The following CSMD2 variants were observed in gnomAD, a reference collection of about 807,000 sequenced individuals.
CSMD2 encodes the protein CUB and sushi domain-containing protein 2.
In CSMD2, 130 loss-of-function variants were observed where a neutral mutation model predicts 398.5. The observed-to-expected ratio is 0.33, with a 90% CI of 0.28 to 0.38. The LOEUF (loss-of-function observed/expected upper bound fraction) is 0.38, where lower values mean the gene tolerates loss of function less well. Among genes scored for constraint, CSMD2 ranks in the 10% least tolerant of loss-of-function variants. The pLI is 1.00. For missense variants in CSMD2, 3,829 were observed against 4,764.9 expected (o/e 0.80, Z 5.78); for synonymous variants, 1,828 against 1,908.5 (o/e 0.96, Z 1.10).
At chr1:33,542,580 G>C (rs1656457281) in intron 58 of CSMD2, 140 bp downstream of exon 58, 1 of 679,356 alleles carries the variant, frequency 1.5e-6, no homozygotes, top group Non-Finnish European at 2.4e-6. Context: ...CTCAACAGAG[G>C]CTATTCATAT....
intron 25 of CSMD2, among the ~76,000 whole-genome samples, chr1:33,676,462 A>G (rs1448507047): frequency 6.6e-6 from 1 of 152,206 alleles, no homozygotes; most frequent in African/African-American, 2.4e-5. Flanking sequence ...ATAAAAGAGG[A>G]TACAAAGAAA....
At chr1:34,143,363 C>T (rs1426360116) in intron 1 of CSMD2, among the ~76,000 whole-genome samples, 2 of 152,192 alleles carry the variant, frequency 1.3e-5, no homozygotes, top group Non-Finnish European at 2.9e-5. Context: ...CCCTAGACCT[C>T]CAGGTCTCAG....
intron 29 of CSMD2, among the ~76,000 whole-genome samples, chr1:33,645,645 T>C (rs1173080450): frequency 6.6e-6 from 1 of 152,206 alleles, no homozygotes; most frequent in Admixed American, 6.5e-5. Context: ...CTACTACTAA[T>C]GATACTTGAA....
chr1:34,134,024 G>A (rs990095423), intron 1 of CSMD2, among the ~76,000 whole-genome samples: 2 of 128,996 alleles, frequency 1.6e-5, no homozygotes, highest in Non-Finnish European at 3.1e-5. Flanking sequence ...CTACACTCCA[G>A]CCTGGGTGAC....
chr1:33,652,271 G>A, intron 28 of CSMD2, 52 bp downstream of exon 28: 3 of 1,593,528 alleles, frequency 1.9e-6, no homozygotes, highest in Non-Finnish European at 2.6e-6. Flanking sequence ...AGGTCCCAGA[G>A]CCCCTAGCCA....
At chr1:33,542,509 A>T (rs1656448164) in intron 58 of CSMD2, among the ~76,000 whole-genome samples, 7 of 152,236 alleles carry the variant, frequency 4.6e-5, no homozygotes, top group Admixed American at 4.6e-4. Flanking sequence ...TATGGTGAAG[A>T]TCAAATGAAA....
intron 3 of CSMD2, among the ~76,000 whole-genome samples, chr1:33,957,026 C>T (rs866642580): frequency 4.6e-5 from 7 of 152,020 alleles, no homozygotes; most frequent in Middle Eastern, 3.2e-3. Flanking sequence ...AAGTTCCTAC[C>T]TCAGGGCTCT....
chr1:33,672,069 C>G (rs374375956), intron 25 of CSMD2, among the ~76,000 whole-genome samples: 1 of 152,126 alleles, frequency 6.6e-6, no homozygotes, highest in Non-Finnish European at 1.5e-5. Flanking sequence ...ATGCAGAAGA[C>G]GGGTGATTTC....
At chr1:33,753,671 G>A (rs2149279686) in intron 13 of CSMD2, among the ~76,000 whole-genome samples, 1 of 152,342 alleles carries the variant, frequency 6.6e-6, no homozygotes, top group Middle Eastern at 3.4e-3. Context: ...AAAAGCAACA[G>A]GTGTTCAAGT....
At chr1:33,973,412 C>T (rs2147927398) in intron 3 of CSMD2, among the ~76,000 whole-genome samples, 1 of 152,320 alleles carries the variant, frequency 6.6e-6, no homozygotes, top group East Asian at 1.9e-4. Context: ...AAGCTGGGTT[C>T]CATTATTCAC....
intron 4 of CSMD2, among the ~76,000 whole-genome samples, chr1:33,919,828 T>TATTC (rs57364991): frequency 0.074 from 11,262 of 152,182 alleles, 1,328 homozygotes; most frequent in African/African-American, 0.25. Flanking sequence ...TTCATTCACT[T>TATTC]ATTCATTCAT....
chr1:33,596,880 G>C (rs997678347), intron 44 of CSMD2, among the ~76,000 whole-genome samples: 6 of 152,212 alleles, frequency 3.9e-5, no homozygotes. Context: ...AATTATTCAA[G>C]TGGGGAAGGG....
intron 10 of CSMD2, among the ~76,000 whole-genome samples, chr1:33,802,089 A>G (rs1171908027): frequency 6.6e-6 from 1 of 152,164 alleles, no homozygotes; most frequent in African/African-American, 2.4e-5. Flanking sequence ...AATTTGGGAA[A>G]AATTATTGTA....
intron 3 of CSMD2, among the ~76,000 whole-genome samples, chr1:33,974,405 G>A (rs577440356): frequency 4.9e-4 from 75 of 152,308 alleles, no homozygotes; most frequent in African/African-American, 1.3e-3. Flanking sequence ...GCCAGGCATA[G>A]GGCCAAGCAC....
chr1:33,772,173 G>A (rs996628909), intron 13 of CSMD2: 1 of 163,390 alleles, frequency 6.1e-6, no homozygotes, highest in Non-Finnish European at 1.3e-5. Flanking sequence ...GGCTGGTGGT[G>A]TCTACAGCCT....
At chr1:33,994,778 T>C (rs1646673196) in intron 3 of CSMD2, among the ~76,000 whole-genome samples, 1 of 152,096 alleles carries the variant, frequency 6.6e-6, no homozygotes, top group South Asian at 2.1e-4. Context: ...AGCTAAGCAG[T>C]ATTTCCACCG....
Position 33,739,280 on chromosome 1 carries a change from A to G in CSMD2, c.2228T>C (p.Phe743Ser). ...DPGVPVNGKR[F>S]GDSLQLGSSI... ...GCTGCCCAGCTGGAGGCTGTCCCCA[A>G]ACCGTTTGCCATTTACTGGAACGCC... The change falls in exon 15 of 71, where the codon TTT (phenylalanine) becomes TCT (serine). Residue 743 changes from phenylalanine (F) to serine (S), a missense_variant. Phe to Ser is a radical substitution (Grantham distance 155). Around this residue, in one of 5 missense-constraint regions of CSMD2, gnomAD observed 2,001 missense variants for 2,567.1 expected, o/e 0.78. Coordinates refer to ENST00000373381, the MANE Select transcript of CSMD2 (RefSeq NM_001281956.2). The G allele has an allele frequency of 6.2e-7, 1 of 1,614,096 alleles. No homozygotes were observed. The highest frequency in any genetic ancestry group is 8.5e-7 in the Non-Finnish European group (1 of 1,179,978).
At chr1:33,724,413 C>T in intron 18 of CSMD2, 100 bp from the exon 19 acceptor site, 1 of 1,528,552 alleles carries the variant, frequency 6.5e-7, no homozygotes. Context: ...GAAAGCCCAA[C>T]CTTCGCTGAT....
chr1:34,119,481 G>A (rs771310521), intron 1 of CSMD2, among the ~76,000 whole-genome samples: 8 of 152,120 alleles, frequency 5.3e-5, no homozygotes, highest in Admixed American at 2.0e-4. Context: ...GAATGGAAAG[G>A]CAACCTAAGA....
Sources: allele counts gnomAD v4.1 joint callset (sites outside exome capture counted in the v4.1 genomes callset), GRCh38; gene constraint gnomAD v4.1.1; regional missense constraint gnomAD v4.1.1; transcripts MANE v1.5; gene names NCBI Gene and HGNC (gene_info 2026-07-23, HGNC 2026-07-21).